Variants in TMOD2 observed in about 807,000 individuals in gnomAD.
TMOD2 encodes tropomodulin-2.
Under a neutral mutation model 39.9 loss-of-function variants are expected in TMOD2, and 22 were observed. The ratio of observed to expected loss-of-function variants is 0.55; its 90% CI spans 0.39 to 0.79. The LOEUF (loss-of-function observed/expected upper bound fraction) is 0.79, where lower values mean the gene tolerates loss of function less well. Among genes scored for constraint, TMOD2 ranks in the 30% least tolerant of loss-of-function variants. The probability of loss-of-function intolerance (pLI) is 0.00; values close to 1 mark genes in which losing one functional copy is unlikely to be tolerated. For missense variants in TMOD2, 386 were observed against 413.3 expected (o/e 0.93, Z 0.57); for synonymous variants, 123 against 146.1 (o/e 0.84, Z 1.14).
rs776883127 is a variant in TMOD2 at position 51,773,783 on chromosome 15, C to A, written c.355C>A (p.Leu119Met). 33 of 1,613,530 alleles carry A rather than the reference C, an allele frequency of 2.0e-5. No homozygotes were observed. The highest frequency in any genetic ancestry group is 1.6e-4 in the Middle Eastern group (1 of 6,078). The change falls in exon 4 of 10, where the codon CTG becomes ATG. Residue 119 changes from leucine (L) to methionine (M), a missense_variant. Transcript: ENST00000249700. The part of the protein sequence containing the change: ...KEEKVTLDPE[L>M]EEALASASDT... ...AGAAAAAGTGACCCTTGACCCAGAACTGGAAGAAGCTTTGGCCAGTGCCTC... is the reference window on the plus strand; with the variant it reads ...AGAAAAAGTGACCCTTGACCCAGAAATGGAAGAAGCTTTGGCCAGTGCCTC...
chr15:51,790,444 T>G (rs915243806), intron 7 of TMOD2, among the ~76,000 whole-genome samples: 1 of 152,164 alleles, frequency 6.6e-6, no homozygotes, highest in African/African-American at 2.4e-5. Context: ...GGAGCTGGTA[T>G]CATTCCTTCT....
chr15:51,769,330 C>A (rs1300884609), intron 3 of TMOD2, among the ~76,000 whole-genome samples: 1 of 152,140 alleles, frequency 6.6e-6, no homozygotes, highest in Non-Finnish European at 1.5e-5. Context: ...CAGGATGGCT[C>A]TAGCACTGCA....
At chr15:51,803,168 CTTT>C (rs771354231) in intron 8 of TMOD2, among the ~76,000 whole-genome samples, 1 of 95,228 alleles carries the variant, frequency 1.1e-5, no homozygotes. Flanking sequence ...TCTATATCTT[CTTT>C]TTTTTTTTTT....
intron 1 of TMOD2, among the ~76,000 whole-genome samples, chr15:51,764,143 G>A (rs923013523): frequency 2.0e-5 from 3 of 152,000 alleles, no homozygotes; most frequent in African/African-American, 2.4e-5. Context: ...TTAAAAATTA[G>A]CTAGGCATCG....
At chr15:51,795,522 A>G (rs2056042437) in intron 7 of TMOD2, among the ~76,000 whole-genome samples, 1 of 151,596 alleles carries the variant, frequency 6.6e-6, no homozygotes, top group Non-Finnish European at 1.5e-5. Context: ...TCTCTGGGAA[A>G]TTTATTTTTT....
chr15:51,780,691 A>G (rs145480712), intron 5 of TMOD2, among the ~76,000 whole-genome samples: 3 of 152,316 alleles, frequency 2.0e-5, no homozygotes, highest in Non-Finnish European at 4.4e-5. Flanking sequence ...TCTGATTTGT[A>G]TCTCAGATCC....
intron 3 of TMOD2, among the ~76,000 whole-genome samples, chr15:51,768,878 C>A (rs1241803415): frequency 1.3e-5 from 2 of 151,946 alleles, no homozygotes; most frequent in Non-Finnish European, 2.9e-5. Flanking sequence ...GGAAATAAGC[C>A]CATGAACTGG....
chr15:51,780,001 C>T (rs777470909), intron 5 of TMOD2, among the ~76,000 whole-genome samples: 11 of 152,124 alleles, frequency 7.2e-5, no homozygotes, highest in Admixed American at 3.3e-4. Flanking sequence ...ATTCTTTTAA[C>T]GAATAGACAA....
chr15:51,801,237 T>TCTCA (rs1491214017), intron 8 of TMOD2, among the ~76,000 whole-genome samples: 5,456 of 102,038 alleles, frequency 0.053, 137 homozygotes, highest in South Asian at 0.068. Context: ...TCTCTCTCTC[T>TCTCA]CACACACACA....
chr15:51,761,583 A>G (rs2055781154), intron 1 of TMOD2, among the ~76,000 whole-genome samples: 1 of 151,298 alleles, frequency 6.6e-6, no homozygotes, highest in Non-Finnish European at 1.5e-5. Flanking sequence ...AAAAAAATTT[A>G]ATTAGCTGGG....
In TMOD2 at chr15:51,810,485, A is replaced by G. The variant is rs372601975; in HGVS notation, c.*2031A>G. On this transcript the variant is annotated 3_prime_UTR_variant, in exon 10 of 10. Coordinates refer to ENST00000249700, the MANE Select transcript of TMOD2 (RefSeq NM_014548.4). ...CCTTCTTGTTACTACAGTGGCTTGA[A>G]ATTGGCCATGGTAGAAATATTTACA... 12 of 152,294 alleles carry G rather than the reference A, an allele frequency of 7.9e-5. No homozygotes were observed. The East Asian group carries it at 1.9e-3, about 24-fold the overall frequency. 9.4% of individuals were successfully genotyped at this position (152,294 alleles called of 1,614,324 possible). A position where few individuals can be genotyped will look rare whatever the true frequency, so the allele number is the denominator to read the frequency against.
intron 5 of TMOD2, among the ~76,000 whole-genome samples, chr15:51,780,487 T>G (rs1267273923): frequency 1.3e-5 from 2 of 152,342 alleles, no homozygotes; most frequent in African/African-American, 4.8e-5. Context: ...AGGAGCTCTG[T>G]GTATATTGGG....
In TMOD2 at chr15:51,810,706, T is replaced by G. The variant is rs1016293087; in HGVS notation, c.*2252T>G. On this transcript the variant is annotated 3_prime_UTR_variant, in exon 10 of 10. Transcript: ENST00000249700. ...TCTTTGGATTTGTTACAAACCTGTT[T>G]AAGTGCTGAGTCCCTGACCTGCCTC... 1.3e-5 allele frequency: 2 copies of G among 152,136 alleles called. No individual in the cohort carries two copies. Among genetic ancestry groups the G allele is most frequent in the African/African-American group, 4.8e-5 (2 of 41,440 alleles). The allele number at this position is 152,136 out of a possible 1,614,324, so 9.4% of individuals were successfully genotyped here.
intron 7 of TMOD2, among the ~76,000 whole-genome samples, chr15:51,786,329 GTC>G (rs1446080986): frequency 2.6e-5 from 4 of 152,056 alleles, no homozygotes; most frequent in Non-Finnish European, 5.9e-5. Context: ...CTGGCAGAAA[GTC>G]TCCATTTTTA....
At chr15:51,802,239 A>G (rs2056095287) in intron 8 of TMOD2, among the ~76,000 whole-genome samples, 1 of 152,024 alleles carries the variant, frequency 6.6e-6, no homozygotes, top group Non-Finnish European at 1.5e-5. Flanking sequence ...TAAAGCTATT[A>G]TTCTATTATT....
chr15:51,773,233 T>C (rs762782945), intron 3 of TMOD2, among the ~76,000 whole-genome samples: 4 of 152,186 alleles, frequency 2.6e-5, no homozygotes, highest in Non-Finnish European at 5.9e-5. Context: ...CAGGGCTCTT[T>C]GGGCAAGGCA....
chr15:51,808,376 A>G, intron 9 of TMOD2, 44 bp from the exon 10 acceptor site: 1 of 1,532,768 alleles, frequency 6.5e-7, no homozygotes, highest in Non-Finnish European at 9.0e-7. Context: ...AATTTAAGGA[A>G]TATCCCTTCA....
At position 51,807,949 on chromosome 15, in the gene TMOD2, G is replaced by T. The variant is rs189464436; in HGVS notation, c.1022-471G>T. Among the ~76,000 whole-genome samples, 6 of 152,264 alleles carry T rather than the reference G, an allele frequency of 3.9e-5. No individual in the cohort carries two copies. The East Asian group carries it at 1.2e-3, about 29-fold the overall frequency. ...GCCAAGTGAATCACACCTTCCTGTA[G>T]GTTGATACTTAGAAGTTTTTATTTA... is the stretch of plus-strand genomic sequence containing the variant. On this transcript the variant is annotated intron_variant, in intron 9 of 9. Coordinates refer to ENST00000249700, the MANE Select transcript of TMOD2 (RefSeq NM_014548.4).
intron 1 of TMOD2, among the ~76,000 whole-genome samples, 164 bp from the exon 2 acceptor site, chr15:51,766,209 T>C (rs2141616931): frequency 6.6e-6 from 1 of 152,356 alleles, no homozygotes; most frequent in South Asian, 2.1e-4. Context: ...GAAAACACTT[T>C]GTAAGCTGTC....
Sources: allele counts gnomAD v4.1 joint callset (sites outside exome capture counted in the v4.1 genomes callset), GRCh38; gene constraint gnomAD v4.1.1; transcripts MANE v1.5; gene names NCBI Gene and HGNC (gene_info 2026-07-23, HGNC 2026-07-21).